Variants in MICAL2 observed in about 807,000 individuals in gnomAD.
MICAL2 encodes [F-actin]-monooxygenase MICAL2.
In MICAL2, 77 loss-of-function variants were observed where a neutral mutation model predicts 127.3. The ratio of observed to expected loss-of-function variants is 0.60; its 90% CI spans 0.50 to 0.73. MICAL2 has a LOEUF of 0.73. Among genes scored for constraint, MICAL2 ranks in the 30% least tolerant of loss-of-function variants. MICAL2 has a pLI of 0.00. For missense variants in MICAL2, 1,351 were observed against 1,434.4 expected, an observed-to-expected ratio of 0.94 and a Z score of 0.94; for synonymous variants, 570 against 551.1, an observed-to-expected ratio of 1.03 and a Z score of -0.48.
chr11:12,121,601 A>T (rs185220500), intron 1 of MICAL2: 2 of 152,394 alleles, frequency 1.3e-5, no homozygotes, highest in East Asian at 3.9e-4. Context: ...GAGTTTGCAG[A>T]GGCTGGCAAA....
At chr11:12,359,440 T>G (rs760333888), downstream of MICAL2, among the ~76,000 whole-genome samples, 2 of 152,004 alleles carry the variant, frequency 1.3e-5, no homozygotes, top group Non-Finnish European at 2.9e-5. Context: ...AGAGAAGGAA[T>G]GCTTCTCGCT....
chr11:12,136,998 C>T (rs1370036029), intron 1 of MICAL2, among the ~76,000 whole-genome samples: 3 of 152,172 alleles, frequency 2.0e-5, no homozygotes, highest in African/African-American at 7.2e-5. Flanking sequence ...AATTCTGTAC[C>T]AGGATGTCCA....
chr11:12,242,637 CTCTTT>C, intron 19 of MICAL2, 29 bp from the exon 20 acceptor site: 1 of 1,585,794 alleles, frequency 6.3e-7, no homozygotes, highest in Non-Finnish European at 8.6e-7. Flanking sequence ...GTCACTATCT[CTCTTT>C]TCTTTCTCCT....
At chr11:12,255,612 C>G in intron 22 of MICAL2, 31 bp from the exon 23 acceptor site, 2 of 1,604,076 alleles carry the variant, frequency 1.2e-6, no homozygotes, top group Non-Finnish European at 1.7e-6. Flanking sequence ...CTACCTTTGT[C>G]TCTGTCTCCT....
downstream of MICAL2, chr11:12,293,575 G>A (rs769716181): frequency 6.2e-7 from 1 of 1,609,766 alleles, no homozygotes; most frequent in African/African-American, 1.3e-5. Context: ...CAGCTTCTGA[G>A]CCCCTCTCGC....
chr11:12,353,645 A>G (rs1039180367), intron 33 of MICAL2, among the ~76,000 whole-genome samples: 7 of 152,100 alleles, frequency 4.6e-5, no homozygotes, highest in African/African-American at 1.4e-4. Flanking sequence ...TCAATGGGGC[A>G]TCCCCTGGCA....
chr11:12,141,064 G>T (rs1037670998), intron 2 of MICAL2, among the ~76,000 whole-genome samples: 1 of 152,110 alleles, frequency 6.6e-6, no homozygotes, highest in African/African-American at 2.4e-5. Context: ...CATGGGCTCC[G>T]GGAGGCAGTT....
chr11:12,223,791 T>A (rs1407512064), intron 12 of MICAL2, among the ~76,000 whole-genome samples: 9 of 152,186 alleles, frequency 5.9e-5, no homozygotes, highest in Non-Finnish European at 1.5e-5. Context: ...TTGTTCTTAT[T>A]TTCCTGTTGT....
chr11:12,201,135 G>C (rs901256604), intron 3 of MICAL2, among the ~76,000 whole-genome samples: 1 of 151,986 alleles, frequency 6.6e-6, no homozygotes, highest in Non-Finnish European at 1.5e-5. Flanking sequence ...AGCGGGGCTT[G>C]GTTCTTTCCC....
At chr11:12,232,952 TCCTG>T (rs58448833) in intron 15 of MICAL2, among the ~76,000 whole-genome samples, 18,430 of 152,126 alleles carry the variant, frequency 0.12, 1,190 homozygotes, top group Non-Finnish European at 0.12. Flanking sequence ...TCCCACTCCA[TCCTG>T]CCTGGAATGT....
At chr11:12,206,419 T>C (rs1854692422) in intron 4 of MICAL2, among the ~76,000 whole-genome samples, 1 of 152,176 alleles carries the variant, frequency 6.6e-6, no homozygotes, top group African/African-American at 2.4e-5. Flanking sequence ...GCTCCAGTAC[T>C]TGTGAGAAAG....
chr11:12,298,263 T>A (rs1181222401), intron 29 of MICAL2, among the ~76,000 whole-genome samples: 1 of 152,058 alleles, frequency 6.6e-6, no homozygotes, highest in Non-Finnish European at 1.5e-5. Context: ...GTTGCTATTG[T>A]CAACAAGATA....
At chr11:12,163,019 C>T (rs900039924) in intron 3 of MICAL2, among the ~76,000 whole-genome samples, 5 of 152,156 alleles carry the variant, frequency 3.3e-5, no homozygotes, top group African/African-American at 1.2e-4. Flanking sequence ...CTGCCTCTTC[C>T]TCCCTGTCTC....
intron 2 of MICAL2, chr11:12,161,858 G>A: frequency 2.3e-6 from 1 of 430,758 alleles, no homozygotes; most frequent in South Asian, 2.6e-5. Flanking sequence ...GCCAGCAAGA[G>A]GAGCAGAGCA....
At chr11:12,248,205 T>G (rs773118030) in intron 21 of MICAL2, among the ~76,000 whole-genome samples, 10 of 152,078 alleles carry the variant, frequency 6.6e-5, no homozygotes, top group Non-Finnish European at 1.3e-4. Flanking sequence ...AAATTCAGAG[T>G]GGTGCTGTGG....
At chr11:12,290,115 C>G (rs939044782), downstream of MICAL2, among the ~76,000 whole-genome samples, 2 of 152,164 alleles carry the variant, frequency 1.3e-5, no homozygotes, top group Non-Finnish European at 2.9e-5. Flanking sequence ...TGCCCACCTC[C>G]CAAGCAGTGG....
chr11:12,267,816 C>T (rs554814975), downstream of MICAL2, among the ~76,000 whole-genome samples: 1 of 152,258 alleles, frequency 6.6e-6, no homozygotes, highest in South Asian at 2.1e-4. Context: ...TGTTTTCGAA[C>T]TGCTGACCTC....
At chr11:12,292,257 G>T (rs1304604138), downstream of MICAL2, 1 of 1,614,006 alleles carries the variant, frequency 6.2e-7, no homozygotes, top group Non-Finnish European at 8.5e-7. Flanking sequence ...TCTTCAACCA[G>T]TGTTTCTGGG....
At chr11:12,227,411 G>A (rs1478189861) in intron 15 of MICAL2, among the ~76,000 whole-genome samples, 1 of 152,230 alleles carries the variant, frequency 6.6e-6, no homozygotes, top group Non-Finnish European at 1.5e-5. Flanking sequence ...AATCAGATCA[G>A]CTCTGCTTCC....
Sources: allele counts gnomAD v4.1 joint callset (sites outside exome capture counted in the v4.1 genomes callset), GRCh38; gene constraint gnomAD v4.1.1; transcripts MANE v1.5; gene names NCBI Gene and HGNC (gene_info 2026-07-23, HGNC 2026-07-21).